Variants in NRG3 observed in about 807,000 individuals in gnomAD.
NRG3 encodes neuregulin 3, also known as pro-neuregulin-3, membrane-bound isoform.
In NRG3, 31 loss-of-function variants were observed where a neutral mutation model predicts 66.9. The observed-to-expected ratio is 0.46, with a 90% CI of 0.35 to 0.63. The LOEUF (loss-of-function observed/expected upper bound fraction) is 0.63, where lower values mean the gene tolerates loss of function less well. Among genes scored for constraint, NRG3 ranks in the 20% least tolerant of loss-of-function variants. The pLI is 0.00. For missense variants in NRG3, 910 were observed against 878.9 expected (o/e 1.04, Z -0.45); for synonymous variants, 393 against 359.4 (o/e 1.09, Z -1.06).
At chr10:82,585,464 C>G (rs1163023336) in intron 2 of NRG3, among the ~76,000 whole-genome samples, 1 of 152,150 alleles carries the variant, frequency 6.6e-6, no homozygotes, top group African/African-American at 2.4e-5. Flanking sequence ...TTCTGGAGGG[C>G]AGAACCAGCC....
At chr10:82,483,678 G>A (rs987561653) in intron 2 of NRG3, among the ~76,000 whole-genome samples, 1 of 152,094 alleles carries the variant, frequency 6.6e-6, no homozygotes, top group Non-Finnish European at 1.5e-5. Flanking sequence ...TGTCACTAAC[G>A]GAGATTTCCT....
At chr10:82,413,245 C>A (rs2088251676) in intron 2 of NRG3, among the ~76,000 whole-genome samples, 1 of 152,098 alleles carries the variant, frequency 6.6e-6, no homozygotes, top group African/African-American at 2.4e-5. Context: ...ACTTTTTGAT[C>A]CATGGGCTGT....
chr10:82,071,425 C>T (rs768962897), intron 1 of NRG3, among the ~76,000 whole-genome samples: 1 of 152,068 alleles, frequency 6.6e-6, no homozygotes, highest in Non-Finnish European at 1.5e-5. Context: ...ATTCAAAACT[C>T]GCCTGATATG....
At chr10:82,330,380 T>C (rs2082085524) in intron 1 of NRG3, among the ~76,000 whole-genome samples, 1 of 152,242 alleles carries the variant, frequency 6.6e-6, no homozygotes, top group Non-Finnish European at 1.5e-5. Context: ...TTTTTCTCTC[T>C]ATTTGTTTAA....
chr10:82,862,842 T>G (rs147232223), intron 3 of NRG3, among the ~76,000 whole-genome samples: 63 of 152,218 alleles, frequency 4.1e-4, no homozygotes, highest in African/African-American at 1.3e-3. Context: ...TCTTCTTTAT[T>G]TTTATTTTAT....
chr10:82,398,986 T>C (rs890278941), intron 2 of NRG3, among the ~76,000 whole-genome samples: 5 of 152,220 alleles, frequency 3.3e-5, no homozygotes. Context: ...CAAGACTGTA[T>C]TGAAATATGC....
chr10:82,754,273 T>C (rs779582261), intron 3 of NRG3, among the ~76,000 whole-genome samples: 14 of 151,456 alleles, frequency 9.2e-5, no homozygotes, highest in Middle Eastern at 3.2e-3. Flanking sequence ...TACATCATTA[T>C]AATATTCTTA....
chr10:82,973,348 A>G (rs1762388204), intron 6 of NRG3, among the ~76,000 whole-genome samples: 1 of 152,216 alleles, frequency 6.6e-6, no homozygotes, highest in South Asian at 2.1e-4. Flanking sequence ...AGATATTCTG[A>G]ACCAATGTCT....
chr10:82,114,760 A>G (rs1278773160), intron 1 of NRG3, among the ~76,000 whole-genome samples: 3 of 152,048 alleles, frequency 2.0e-5, no homozygotes, highest in Non-Finnish European at 2.9e-5. Flanking sequence ...TAAAAATTAA[A>G]TTTCCCCTGG....
At chr10:82,732,587 G>A (rs1159447864) in intron 2 of NRG3, among the ~76,000 whole-genome samples, 1 of 152,156 alleles carries the variant, frequency 6.6e-6, no homozygotes, top group East Asian at 1.9e-4. Flanking sequence ...TGTTTCTTCA[G>A]TTGAAAAGCT....
chr10:82,275,481 T>C (rs1271260444), intron 1 of NRG3, among the ~76,000 whole-genome samples: 1 of 152,032 alleles, frequency 6.6e-6, no homozygotes, highest in Admixed American at 6.6e-5. Flanking sequence ...AATAAGAGTC[T>C]AACTTATTTC....
chr10:82,925,126 A>G (rs1021397900), intron 4 of NRG3, among the ~76,000 whole-genome samples: 19 of 152,196 alleles, frequency 1.2e-4, no homozygotes, highest in African/African-American at 4.6e-4. Context: ...AATTCCTCAA[A>G]GTTAGTTTAC....
At chr10:82,083,985 C>G (rs376301407) in intron 1 of NRG3, among the ~76,000 whole-genome samples, 1 of 151,318 alleles carries the variant, frequency 6.6e-6, no homozygotes, top group Non-Finnish European at 1.5e-5. Flanking sequence ...CACAGCACTT[C>G]GGGAGGCTGA....
chr10:82,032,470 A>C (rs981842589), intron 1 of NRG3, among the ~76,000 whole-genome samples: 3 of 152,024 alleles, frequency 2.0e-5, no homozygotes, highest in African/African-American at 7.2e-5. Flanking sequence ...TTTTAAATGC[A>C]ATGGAGGGAA....
intron 1 of NRG3, among the ~76,000 whole-genome samples, chr10:81,911,170 T>G (rs1845106159): frequency 1.3e-5 from 2 of 152,242 alleles, no homozygotes. Flanking sequence ...TGCTATGTCT[T>G]TATTAGCAAA....
At position 82,538,544 on chromosome 10, in the gene NRG3, G is replaced by T. The variant is rs367977852; in HGVS notation, c.953+179676G>T. 4.7e-4 allele frequency among the ~76,000 whole-genome samples: 72 copies of T among 151,982 alleles called. No homozygotes were observed. The Middle Eastern group carries it at 0.01, about 22-fold the overall frequency. ...AAATTTTTCTGTTATCAGTTTTTTT[G>T]TGTGTGTAGGAGTACTTGATTGTTC... On this transcript the variant is annotated intron_variant, in intron 2 of 8. Coordinates refer to ENST00000372141, the MANE Select transcript of NRG3 (RefSeq NM_001010848.4).
At chr10:82,216,502 A>G (rs12258369) in intron 1 of NRG3, among the ~76,000 whole-genome samples, 10,665 of 148,878 alleles carry the variant, frequency 0.072, 428 homozygotes, top group African/African-American at 0.11. Context: ...CTATCTATAC[A>G]TATACACACA....
At chr10:82,196,397 G>A (rs888186627) in intron 1 of NRG3, among the ~76,000 whole-genome samples, 2 of 152,126 alleles carry the variant, frequency 1.3e-5, no homozygotes, top group African/African-American at 4.8e-5. Flanking sequence ...AGATCTCTGC[G>A]ATGATTCTAA....
intron 1 of NRG3, among the ~76,000 whole-genome samples, chr10:81,924,301 CT>C (rs1239127387): frequency 1.3e-5 from 2 of 152,198 alleles, no homozygotes; most frequent in African/African-American, 4.8e-5. Flanking sequence ...AAAGTACTTT[CT>C]CATTATATCC....
Sources: gnomAD v4.1 joint callset for allele counts (sites outside exome capture counted in the v4.1 genomes callset) on GRCh38, gnomAD v4.1.1 for gene constraint, MANE v1.5 for transcripts, NCBI Gene and HGNC (gene_info 2026-07-23, HGNC 2026-07-21) for gene names.